Variants in OPRM1 observed in about 807,000 individuals in gnomAD.
OPRM1 encodes the protein opioid receptor mu 1.
In OPRM1, 27 loss-of-function variants were observed where a neutral mutation model predicts 31.8. The observed-to-expected ratio is 0.85, with a 90% confidence interval of 0.63 to 1.17. The LOEUF (loss-of-function observed/expected upper bound fraction) is 1.17, where lower values mean the gene tolerates loss of function less well. Ranked by LOEUF, OPRM1 falls within the 50% of genes most tolerant of loss-of-function variation. The pLI is 0.00. For missense variants in OPRM1, 536 were observed against 511.1 expected, an observed-to-expected ratio of 1.05 and a Z score of -0.47; for synonymous variants, 196 against 189.9, an observed-to-expected ratio of 1.03 and a Z score of -0.26.
At chr6:154,198,242 G>GT (rs1776781037) in intron 3 of OPRM1, among the ~76,000 whole-genome samples, 1 of 152,108 alleles carries the variant, frequency 6.6e-6, no homozygotes, top group Non-Finnish European at 1.5e-5. Context: ...ACTCAATTCT[G>GT]TGCTTCCAAG....
At chr6:154,246,112 C>T (rs1562564657) in intron 3 of OPRM1, among the ~76,000 whole-genome samples, 1 of 151,952 alleles carries the variant, frequency 6.6e-6, no homozygotes, top group South Asian at 2.1e-4. Flanking sequence ...TAAAGAAGGT[C>T]GGGGGAAAGA....
At chr6:154,174,001 G>C (rs1032421318) in intron 3 of OPRM1, among the ~76,000 whole-genome samples, 3 of 152,174 alleles carry the variant, frequency 2.0e-5, no homozygotes, top group African/African-American at 7.2e-5. Context: ...AGCCAGAAGA[G>C]AGTGGGGGCC....
At chr6:154,189,492 CATAA>C (rs78601026) in intron 3 of OPRM1, among the ~76,000 whole-genome samples, 8,348 of 151,990 alleles carry the variant, frequency 0.055, 332 homozygotes, top group South Asian at 0.19. Flanking sequence ...GTGCAAAACA[CATAA>C]ATAAAGGACT....
At chr6:154,107,554 A>T (rs1334962899) in intron 3 of OPRM1, 1 of 718,490 alleles carries the variant, frequency 1.4e-6, no homozygotes, top group Non-Finnish European at 2.6e-6. Context: ...CCTTCCCAGG[A>T]AGAGTCTAGA....
At chr6:154,039,076 G>A (rs2128392902), upstream of OPRM1, 1 of 1,436,070 alleles carries the variant, frequency 7.0e-7, no homozygotes, top group South Asian at 1.4e-5. Context: ...ATTGAGTGAT[G>A]TTAGCCCCCT....
intron 3 of OPRM1, among the ~76,000 whole-genome samples, chr6:154,097,241 T>C (rs1793550483): frequency 6.6e-6 from 1 of 152,186 alleles, no homozygotes; most frequent in South Asian, 2.1e-4. Flanking sequence ...CTAATTACTA[T>C]TATTAAAGCA....
chr6:154,021,336 T>TACC lies in OPRM1; in HGVS notation c.-1+10324_-1+10326dup, dbSNP rs929778536. 1.6e-4 allele frequency among the ~76,000 whole-genome samples: 25 copies of TACC among 152,364 alleles called. 1 individual carries two copies. Among genetic ancestry groups the TACC allele is most frequent in the Admixed American group, 1.2e-3 (19 of 15,298 alleles). On this transcript the variant is annotated intron_variant, in intron 1 of 5. Coordinates refer to the OPRM1 transcript ENST00000434900. ...TTCTATTTTTCTATTCTTTTGCAGA[T>TACC]ACCACCACACTGTCTTTATTACTGT...
intron 3 of OPRM1, chr6:154,199,718 T>C: frequency 2.5e-6 from 4 of 1,614,072 alleles, no homozygotes; most frequent in Non-Finnish European, 3.4e-6. Flanking sequence ...AGTAAGATGG[T>C]CATGATTGCT....
At position 154,129,886 on chromosome 6, in the gene OPRM1, A is replaced by AC. The variant is rs1797795952; in HGVS notation, c.*11165_*11166insC. Among the ~76,000 whole-genome samples, 2 of 146,608 alleles carry AC rather than the reference A, an allele frequency of 1.4e-5. No individual in the cohort carries two copies. The highest frequency in any genetic ancestry group is 5.1e-5 in the African/African-American group (2 of 39,400). On this transcript the variant is annotated 3_prime_UTR_variant, in exon 4 of 4. Coordinates refer to ENST00000330432, the MANE Select transcript of OPRM1 (RefSeq NM_000914.5). ...CACACACACACACACACACACACAC[A>AC]ACATAGTGAAATGGACCCGTGGGAA... is the stretch of plus-strand genomic sequence containing the variant.
upstream of OPRM1, chr6:154,039,195 C>A (rs761796026): frequency 6.4e-7 from 1 of 1,551,738 alleles, no homozygotes; most frequent in South Asian, 1.2e-5. Flanking sequence ...AGTGAAGAGA[C>A]CTACTCCTTG....
chr6:154,209,393 G>A (rs1264394834), intron 3 of OPRM1, among the ~76,000 whole-genome samples: 1 of 152,100 alleles, frequency 6.6e-6, no homozygotes, highest in Non-Finnish European at 1.5e-5. Context: ...GCTTACGCTT[G>A]TAATCCTAGC....
At chr6:154,052,376 G>A (rs139242995) in intron 1 of OPRM1, among the ~76,000 whole-genome samples, 18 of 152,266 alleles carry the variant, frequency 1.2e-4, no homozygotes, top group African/African-American at 4.1e-4. Flanking sequence ...AATATTTCTG[G>A]TTTTTACAAT....
At chr6:154,060,022 G>A (rs1005079341) in intron 1 of OPRM1, among the ~76,000 whole-genome samples, 2 of 152,204 alleles carry the variant, frequency 1.3e-5, no homozygotes, top group East Asian at 1.9e-4. Context: ...CCAATTTATT[G>A]CCGCAAGGAA....
intron 3 of OPRM1, among the ~76,000 whole-genome samples, chr6:154,231,514 A>G (rs1321368862): frequency 2.0e-5 from 3 of 152,266 alleles, no homozygotes; most frequent in Non-Finnish European, 4.4e-5. Context: ...ACAGTTGAAT[A>G]CACTGTGGTA....
chr6:154,216,509 C>T (rs999509920), intron 3 of OPRM1, among the ~76,000 whole-genome samples: 2 of 152,112 alleles, frequency 1.3e-5, no homozygotes, highest in Admixed American at 6.5e-5. Context: ...ACTTCAAAAA[C>T]GATATGTTTT....
chr6:154,072,720 T>C (rs1463380435), intron 1 of OPRM1, among the ~76,000 whole-genome samples: 17 of 152,228 alleles, frequency 1.1e-4, no homozygotes, highest in Non-Finnish European at 2.1e-4. Flanking sequence ...CTGTTTTCTC[T>C]GCCATTTTGA....
chr6:154,244,242 G>A (rs183834246), intron 3 of OPRM1, among the ~76,000 whole-genome samples: 4 of 152,172 alleles, frequency 2.6e-5, no homozygotes, highest in Non-Finnish European at 4.4e-5. Context: ...AGCATTCATT[G>A]AGTAGCCTTT....
chr6:154,091,382 C>T lies in OPRM1; in HGVS notation c.1074C>T (p.Ser358=), dbSNP rs765963522. Residue 358 remains serine (S), a synonymous_variant, in exon 3 of 4, where the codon TCC becomes TCT. Transcript: ENST00000330432. The part of the protein sequence containing the change: ...CFREFCIPTS[S]NIEQQNSTRI... ...GAGAGTTCTGTATCCCAACCTCTTC[C>T]AACATTGAGCAACAAAACTCCACTC... 6.2e-7 allele frequency: 1 copy of T among 1,614,152 alleles called. No homozygotes were observed. The highest frequency in any genetic ancestry group is 8.5e-7 in the Non-Finnish European group (1 of 1,180,028).
At chr6:154,178,291 TA>T (rs571288623) in intron 3 of OPRM1, among the ~76,000 whole-genome samples, 21 of 151,802 alleles carry the variant, frequency 1.4e-4, no homozygotes, top group African/African-American at 2.7e-4. Context: ...AGTATAATAA[TA>T]AAAAAAATTA....
Sources: allele counts gnomAD v4.1 joint callset (sites outside exome capture counted in the v4.1 genomes callset), GRCh38; gene constraint gnomAD v4.1.1; transcripts MANE v1.5; gene names NCBI Gene and HGNC (gene_info 2026-07-23, HGNC 2026-07-21).